The following CCDC170 variants were observed in gnomAD, a reference collection of about 807,000 sequenced individuals.
CCDC170 encodes coiled-coil domain containing 170, also known as coiled-coil domain-containing protein 170.
A neutral mutation model predicts 72.6 loss-of-function variants in CCDC170; 69 were observed. That is an observed-to-expected ratio of 0.95 (90% CI 0.78 to 1.16). CCDC170 has a LOEUF of 1.16. Among genes scored for constraint, CCDC170 ranks in the 50% most tolerant of loss-of-function variants. The pLI, the probability that CCDC170 is intolerant of heterozygous loss-of-function variation, is 0.00. For missense variants in CCDC170, 852 were observed against 832.5 expected (o/e 1.02, Z -0.29); for synonymous variants, 300 against 303.9 (o/e 0.99, Z 0.13).
chr6:151,494,821 A>G (rs1158132845), intron 1 of CCDC170, among the ~76,000 whole-genome samples: 1 of 152,172 alleles, frequency 6.6e-6, no homozygotes, highest in Admixed American at 6.5e-5. Context: ...GCGCGCACAC[A>G]CACGAACACG....
chr6:151,604,541 C>G (rs1776756647), intron 9 of CCDC170, among the ~76,000 whole-genome samples: 1 of 152,140 alleles, frequency 6.6e-6, no homozygotes, highest in African/African-American at 2.4e-5. Context: ...GTTAACAATA[C>G]TTTATTGTAT....
chr6:151,572,651 T>C (rs1384238276), intron 5 of CCDC170, among the ~76,000 whole-genome samples: 1 of 74,394 alleles, frequency 1.3e-5, no homozygotes, highest in Non-Finnish European at 2.5e-5. Context: ...TTCTCTGTGT[T>C]TTTTTTTTTT....
At position 151,494,171 on chromosome 6, in the gene CCDC170, T is replaced by G; in HGVS notation, c.43T>G (p.Ser15Ala). 6.6e-7 allele frequency: 1 copy of G among 1,520,340 alleles called. No individual in the cohort carries two copies. The highest frequency in any genetic ancestry group is 1.2e-5 in the South Asian group (1 of 81,352). 94.2% of individuals were successfully genotyped at this position (1,520,340 alleles called of 1,614,324 possible). A position where few individuals can be genotyped will look rare whatever the true frequency, so the allele number is the denominator to read the frequency against. ...CAGCCATATCGCGCTGGGTGCCGCT[T>G]CGCCAGCGCCCGAGGTACGGTCCCA... ...CTSHIALGAASPAPEETYDHL... is the reference protein window; with the variant it reads ...CTSHIALGAAAPAPEETYDHL... The change falls in exon 1 of 11, where the codon TCG (serine) becomes GCG (alanine). Residue 15 changes from serine to alanine, a missense_variant. Transcript: ENST00000239374.
chr6:151,550,984 G>A (rs1207550016), intron 5 of CCDC170, among the ~76,000 whole-genome samples: 1 of 152,070 alleles, frequency 6.6e-6, no homozygotes, highest in African/African-American at 2.4e-5. Context: ...TTAGGTTGGT[G>A]CAAAAGTAAT....
chr6:151,597,064 G>T (rs187501813), intron 9 of CCDC170, among the ~76,000 whole-genome samples: 1 of 152,312 alleles, frequency 6.6e-6, no homozygotes, highest in East Asian at 1.9e-4. Flanking sequence ...GATCTCAGGT[G>T]ATCCGCCCGC....
intron 5 of CCDC170, among the ~76,000 whole-genome samples, chr6:151,552,408 C>T (rs1490447309): frequency 6.6e-6 from 1 of 151,910 alleles, no homozygotes; most frequent in South Asian, 2.1e-4. Context: ...TAGCATACGC[C>T]GATTCTTGTC....
intron 5 of CCDC170, among the ~76,000 whole-genome samples, chr6:151,561,871 A>T (rs1436853606): frequency 6.6e-6 from 1 of 152,152 alleles, no homozygotes; most frequent in Non-Finnish European, 1.5e-5. Flanking sequence ...AGATTTGTGA[A>T]GATTTGGTCA....
chr6:151,604,083 A>G (rs1776749026), intron 9 of CCDC170, among the ~76,000 whole-genome samples: 1 of 152,114 alleles, frequency 6.6e-6, no homozygotes, highest in South Asian at 2.1e-4. Flanking sequence ...TGGAAAGCTC[A>G]TTATCTTCAT....
chr6:151,553,743 T>C (rs1782924435), intron 5 of CCDC170, among the ~76,000 whole-genome samples: 2 of 151,796 alleles, frequency 1.3e-5, no homozygotes, highest in African/African-American at 2.4e-5. Context: ...AAAAAAAAAA[T>C]TATATGGGCA....
chr6:151,566,741 T>C (rs1368526789), intron 5 of CCDC170, among the ~76,000 whole-genome samples: 1 of 152,206 alleles, frequency 6.6e-6, no homozygotes, highest in African/African-American at 2.4e-5. Context: ...TGTTGTTCTT[T>C]AGTCATAAGT....
chr6:151,617,408 C>CTTTTTTTTT lies in CCDC170; in HGVS notation c.1948-502_1948-494dup, dbSNP rs745655791. ...AGCTTATACTTTCTTGCTGTTTGTTCTTTTTTTTTTTTTTTTTTTTTTTTT... is the reference window on the plus strand; with the variant it reads ...AGCTTATACTTTCTTGCTGTTTGTTCTTTTTTTTTTTTTTTTTTTTTTTTTTTTTTTTTT... On this transcript the variant is annotated intron_variant, in intron 10 of 10. Transcript: ENST00000239374. Among the ~76,000 whole-genome samples the CTTTTTTTTT allele has an allele frequency of 9.6e-4, 88 of 91,450 alleles. 1 individual carries two copies. The highest frequency in any genetic ancestry group is 1.5e-3 in the Non-Finnish European group (70 of 46,700). 60.0% of individuals were successfully genotyped at this position (91,450 alleles called of 152,430 possible). A position where few individuals can be genotyped will look rare whatever the true frequency, so the allele number is the denominator to read the frequency against.
intron 9 of CCDC170, among the ~76,000 whole-genome samples, chr6:151,600,433 TC>T (rs965346091): frequency 6.6e-6 from 1 of 152,190 alleles, no homozygotes; most frequent in Non-Finnish European, 1.5e-5. Flanking sequence ...AATCTGTGCC[TC>T]CCCTTCACGT....
chr6:151,592,134 G>A lies in CCDC170; in HGVS notation c.1294-973G>A, dbSNP rs538917906. Among the ~76,000 whole-genome samples, 5 of 152,142 alleles carry A rather than the reference G, an allele frequency of 3.3e-5. No homozygotes were observed. The South Asian group carries it at 6.2e-4, about 19-fold the overall frequency. On this transcript the variant is annotated intron_variant, in intron 7 of 10. Transcript: ENST00000239374. ...GCACTTTGGGAGGCCAAGATGGGTG[G>A]ATCACCTGAGGTCAGGAGTTTGAGA...
At chr6:151,612,572 C>A (rs1012935696) in intron 9 of CCDC170, among the ~76,000 whole-genome samples, 1 of 152,148 alleles carries the variant, frequency 6.6e-6, no homozygotes, top group Non-Finnish European at 1.5e-5. Flanking sequence ...TTTCCTGCAG[C>A]CTAGTTAGCA....
In CCDC170 at chr6:151,599,158, A is replaced by G. The variant is rs568520325; in HGVS notation, c.1710+2581A>G. On this transcript the variant is annotated intron_variant, in intron 9 of 10. Transcript: ENST00000239374. ...GATGCACACCTTTGAAAAGGAAACA[A>G]AATTTGGGGCTTTAGAGAACAATAA... Among the ~76,000 whole-genome samples, 6 of 152,310 alleles carry G rather than the reference A, an allele frequency of 3.9e-5. No homozygotes were observed. The East Asian group carries it at 1.2e-3, about 29-fold the overall frequency.
At chr6:151,574,881 C>T (rs1271950136) in intron 6 of CCDC170, among the ~76,000 whole-genome samples, 1 of 152,130 alleles carries the variant, frequency 6.6e-6, no homozygotes, top group African/African-American at 2.4e-5. Context: ...TAAATATTAA[C>T]TATTGCTGCT....
In CCDC170 at chr6:151,596,316, CCT is replaced by C. The variant is rs1776621675; in HGVS notation, c.1468-18_1468-17del. On this transcript the variant is annotated splice_polypyrimidine_tract_variant and intron_variant, in intron 8 of 10. Transcript: ENST00000239374. ...TTGTTCAATTATTAAAAAAAAAATC[CCT>C]GTTTGCATCAAACCAGCTAAAGACA... The C allele has an allele frequency of 3.2e-6, 5 of 1,573,784 alleles. No individual in the cohort carries two copies. In the East Asian group the frequency reaches 1.1e-4, roughly 35 times the overall value.
chr6:151,574,007 G>A (rs967608187), intron 6 of CCDC170, among the ~76,000 whole-genome samples: 18 of 152,326 alleles, frequency 1.2e-4, no homozygotes, highest in African/African-American at 4.3e-4. Context: ...CCATTTGGAG[G>A]CCAATGTAGT....
At position 151,558,246 on chromosome 6, in the gene CCDC170, T is replaced by G. The variant is rs1422758920; in HGVS notation, c.774+9757T>G. Among the ~76,000 whole-genome samples, 3 of 150,378 alleles carry G rather than the reference T, an allele frequency of 2.0e-5. 1 individual carries two copies. On this transcript the variant is annotated intron_variant, in intron 5 of 10. Transcript: ENST00000239374. ...TTGAGATTAGTGTTTTTTTTTTTTT[T>G]TTTTTTTTTAATGTTGACTTGCTTG...
Sources: gnomAD v4.1 joint callset for allele counts (sites outside exome capture counted in the v4.1 genomes callset) on GRCh38, gnomAD v4.1.1 for gene constraint, MANE v1.5 for transcripts, NCBI Gene and HGNC (gene_info 2026-07-23, HGNC 2026-07-21) for gene names.